EXOC4: variants seen among roughly 807,000 people sequenced by gnomAD.
EXOC4 encodes exocyst complex component 4, also known as SEC8-like 1.
A neutral mutation model predicts 107.2 loss-of-function variants in EXOC4; 71 were observed. That is an observed-to-expected ratio of 0.66 (90% CI 0.55 to 0.81). The LOEUF (loss-of-function observed/expected upper bound fraction) is 0.81, where lower values mean the gene tolerates loss of function less well. Among genes scored for constraint, EXOC4 ranks in the 30% least tolerant of loss-of-function variants. The pLI is 0.00. For synonymous variants in EXOC4, 456 were observed against 441.2 expected (o/e 1.03, Z -0.42); for missense variants, 1,108 against 1,189.6 (o/e 0.93, Z 1.01).
intron 9 of EXOC4, among the ~76,000 whole-genome samples, chr7:133,506,354 A>G (rs1243655799): frequency 6.6e-6 from 1 of 152,156 alleles, no homozygotes; most frequent in African/African-American, 2.4e-5. Context: ...GTTAATCTAC[A>G]CTAGCAGTTT....
chr7:133,971,433 A>T (rs1334602946), intron 14 of EXOC4, among the ~76,000 whole-genome samples: 1 of 146,526 alleles, frequency 6.8e-6, no homozygotes, highest in Admixed American at 6.9e-5. Flanking sequence ...TCTATGTAAG[A>T]ATATGTATTG....
intron 5 of EXOC4, among the ~76,000 whole-genome samples, chr7:133,339,395 G>A (rs968182057): frequency 9.2e-5 from 14 of 152,156 alleles, no homozygotes; most frequent in African/African-American, 3.4e-4. Flanking sequence ...GTACCATGCT[G>A]TTTTGGTGAC....
chr7:133,807,796 C>A (rs1585161470), intron 10 of EXOC4, among the ~76,000 whole-genome samples: 1 of 152,198 alleles, frequency 6.6e-6, no homozygotes, highest in Admixed American at 6.5e-5. Flanking sequence ...CTTCAATTTC[C>A]AAATTATATG....
chr7:133,294,121 A>T (rs977982424), intron 3 of EXOC4, among the ~76,000 whole-genome samples: 4 of 152,166 alleles, frequency 2.6e-5, no homozygotes, highest in African/African-American at 9.7e-5. Flanking sequence ...TACAGGTTTC[A>T]TTATCACTCA....
At chr7:134,081,589 G>A in the EXOC4 span, among the ~76,000 whole-genome samples, 4 of 152,162 alleles carry the variant, frequency 2.6e-5, no homozygotes, top group Non-Finnish European at 5.9e-5. Flanking sequence ...ATAATAGATG[G>A]TCAATAAATA....
intron 10 of EXOC4, among the ~76,000 whole-genome samples, chr7:133,701,571 T>C (rs1794656567): frequency 6.6e-6 from 1 of 152,186 alleles, no homozygotes. Context: ...TTTTCCTATA[T>C]GTACATACCT....
intron 14 of EXOC4, among the ~76,000 whole-genome samples, chr7:133,955,824 C>T (rs776037674): frequency 5.3e-5 from 8 of 152,262 alleles, no homozygotes; most frequent in African/African-American, 9.6e-5. Flanking sequence ...TGCGTGCATA[C>T]GTGACCAGGT....
At chr7:133,573,228 A>G (rs1801060826) in intron 9 of EXOC4, among the ~76,000 whole-genome samples, 1 of 152,216 alleles carries the variant, frequency 6.6e-6, no homozygotes, top group African/African-American at 2.4e-5. Flanking sequence ...CACTTTATGT[A>G]TATTGTTAGA....
chr7:133,818,457 T>C (rs2151217528), intron 11 of EXOC4, among the ~76,000 whole-genome samples: 1 of 152,338 alleles, frequency 6.6e-6, no homozygotes. Context: ...TTGATTTTTC[T>C]TTGTATGTTA....
chr7:133,635,024 G>T (rs544727886), intron 10 of EXOC4, among the ~76,000 whole-genome samples: 2 of 152,194 alleles, frequency 1.3e-5, no homozygotes, highest in African/African-American at 4.8e-5. Flanking sequence ...TATGTTATGG[G>T]CCTTGATTTT....
rs1798044644 is a variant in EXOC4, at chr7:133,842,589, G to A, written c.1734+25045G>A. Among the ~76,000 whole-genome samples, 3 of 152,146 alleles carry A rather than the reference G, an allele frequency of 2.0e-5. No individual in the cohort carries two copies. The South Asian group carries it at 6.2e-4, about 32-fold the overall frequency. Reference sequence around the variant, plus strand: ...AGTTTGAAAATATTTTTCCCATAATGTAGGTTGTCTGTTTACTCTGTTGAT... The same window carrying A: ...AGTTTGAAAATATTTTTCCCATAATATAGGTTGTCTGTTTACTCTGTTGAT... On this transcript the variant is annotated intron_variant, in intron 11 of 17. Transcript: ENST00000253861.
At chr7:133,761,834 A>AT (rs908693256) in intron 10 of EXOC4, among the ~76,000 whole-genome samples, 5 of 152,268 alleles carry the variant, frequency 3.3e-5, no homozygotes, top group African/African-American at 1.2e-4. Flanking sequence ...GGGCCCAATG[A>AT]TTTTTACCTG....
In EXOC4 at chr7:133,789,479, C is replaced by G. The variant is rs894476797; in HGVS notation, c.1515-27846C>G. Among the ~76,000 whole-genome samples the G allele has an allele frequency of 2.0e-5, 3 of 152,240 alleles. No individual in the cohort carries two copies. In the South Asian group the frequency reaches 6.2e-4, roughly 32 times the overall value. On this transcript the variant is annotated intron_variant, in intron 10 of 17. Transcript: ENST00000253861. ...GCAAGCTTCTGACTGTAGTTTCACA[C>G]TGATGATATAGGATTACCATTTGAT... is the stretch of plus-strand genomic sequence containing the variant.
intron 10 of EXOC4, among the ~76,000 whole-genome samples, chr7:133,795,049 T>C (rs1197733048): frequency 1.3e-5 from 2 of 151,624 alleles, no homozygotes; most frequent in East Asian, 3.9e-4. Flanking sequence ...TCTTAAATGG[T>C]ACGTTGAAGA....
rs184160193 is a variant in EXOC4, at chr7:133,511,092, G to A, written c.1417+30954G>A. On this transcript the variant is annotated intron_variant, in intron 9 of 17. Coordinates refer to ENST00000253861, the MANE Select transcript of EXOC4 (RefSeq NM_021807.4). ...AATCCAGAACATTTAGGCTCCAGGCGTCCTGGCTACATAATTTTCTATTAT... is the reference window on the plus strand; with the variant it reads ...AATCCAGAACATTTAGGCTCCAGGCATCCTGGCTACATAATTTTCTATTAT... Among the ~76,000 whole-genome samples, 213 of 151,974 alleles carry A rather than the reference G, an allele frequency of 1.4e-3. 1 individual carries two copies. The highest frequency in any genetic ancestry group is 1.2e-3 in the Non-Finnish European group (80 of 67,976).
intron 7 of EXOC4, among the ~76,000 whole-genome samples, chr7:133,457,034 A>G (rs1798478708): frequency 6.6e-6 from 1 of 152,224 alleles, no homozygotes; most frequent in Admixed American, 6.5e-5. Context: ...GCAATACCTA[A>G]CATAGTGCCC....
intron 11 of EXOC4, among the ~76,000 whole-genome samples, chr7:133,863,763 T>G (rs1798581932): frequency 6.6e-6 from 1 of 152,232 alleles, no homozygotes; most frequent in South Asian, 2.1e-4. Flanking sequence ...CTATCTAGTT[T>G]GGAATGGCTT....
chr7:133,965,998 C>T (rs1326772927), intron 14 of EXOC4, among the ~76,000 whole-genome samples: 1 of 152,144 alleles, frequency 6.6e-6, no homozygotes, highest in East Asian at 1.9e-4. Flanking sequence ...TCTCTTATTT[C>T]CTTGAGCAGT....
intron 9 of EXOC4, among the ~76,000 whole-genome samples, chr7:133,621,976 T>C (rs76713523): frequency 3.9e-4 from 51 of 131,100 alleles, no homozygotes; most frequent in Admixed American, 1.7e-3. Flanking sequence ...TCTGTCTGTC[T>C]GTCCATCCAT....
Sources: allele counts gnomAD v4.1 joint callset (sites outside exome capture counted in the v4.1 genomes callset), GRCh38; gene constraint gnomAD v4.1.1; transcripts MANE v1.5; gene names NCBI Gene and HGNC (gene_info 2026-07-23, HGNC 2026-07-21).